POU3F3: variants seen among roughly 807,000 people sequenced by gnomAD.
POU3F3 encodes POU domain, class 3, transcription factor 3.
In POU3F3, 1 loss-of-function variant was observed where a neutral mutation model predicts 8.6. That is an observed-to-expected ratio of 0.12 (90% confidence interval 0.04 to 0.55). The LOEUF is 0.55. POU3F3 is among the 20% of genes least tolerant of loss of function. The pLI, the probability that POU3F3 is intolerant of heterozygous loss-of-function variation, is 0.91. For synonymous variants in POU3F3, 418 were observed against 327.4 expected (o/e 1.28, Z -2.99); for missense variants, 577 against 690.7 (o/e 0.84, Z 1.84).
At position 104,857,090 on chromosome 2, in the gene POU3F3, C is replaced by A; in HGVS notation, c.*77C>A. The A allele has an allele frequency of 2.2e-6, 2 of 895,012 alleles. No homozygotes were observed. Among genetic ancestry groups the A allele is most frequent in the Non-Finnish European group, 2.7e-6 (2 of 750,966 alleles). The allele number at this position is 895,012 out of a possible 1,614,324, so 55.4% of individuals were successfully genotyped here. ...CCGTCAGCACCGCCGCCGCCCCTGCCGCCGCCGCCGCCGCCGCCGCCGCCG... is the reference window on the plus strand; with the variant it reads ...CCGTCAGCACCGCCGCCGCCCCTGCAGCCGCCGCCGCCGCCGCCGCCGCCG... On this transcript the variant is annotated 3_prime_UTR_variant, in exon 1 of 1. Coordinates refer to ENST00000361360, the MANE Select transcript of POU3F3 (RefSeq NM_006236.3).
the POU3F3 span, among the ~76,000 whole-genome samples, chr2:104,891,087 C>A: frequency 6.6e-6 from 1 of 152,080 alleles, no homozygotes; most frequent in Non-Finnish European, 1.5e-5. Flanking sequence ...GGCTCTACCC[C>A]CTGAGTTTCT....
the POU3F3 span, among the ~76,000 whole-genome samples, chr2:104,890,369 CT>C: frequency 6.6e-6 from 1 of 152,158 alleles, no homozygotes; most frequent in African/African-American, 2.4e-5. Flanking sequence ...CGAGCCTGAT[CT>C]TTCTCGGTTG....
chr2:104,897,327 A>G, the POU3F3 span, among the ~76,000 whole-genome samples: 1 of 152,228 alleles, frequency 6.6e-6, no homozygotes, highest in Admixed American at 6.5e-5. Context: ...TCCTCCACCC[A>G]GAACTGGGGA....
At chr2:104,870,446 T>C in the POU3F3 span, among the ~76,000 whole-genome samples, 1 of 152,228 alleles carries the variant, frequency 6.6e-6, no homozygotes, top group Non-Finnish European at 1.5e-5. Context: ...GGCATTTCCA[T>C]ACCAGCCCGG....
chr2:104,890,909 A>G, the POU3F3 span, among the ~76,000 whole-genome samples: 1 of 152,158 alleles, frequency 6.6e-6, no homozygotes, highest in Admixed American at 6.5e-5. Context: ...CGGGAACCCT[A>G]TAAGGGAGCA....
At chr2:104,863,937 T>A in the POU3F3 span, among the ~76,000 whole-genome samples, 3 of 152,140 alleles carry the variant, frequency 2.0e-5, no homozygotes, top group East Asian at 3.9e-4. Flanking sequence ...GCCGGCGGCT[T>A]TGTGGAAGTT....
chr2:104,868,512 C>T, the POU3F3 span: 1 of 374,608 alleles, frequency 2.7e-6, no homozygotes, highest in Non-Finnish European at 5.4e-6. Flanking sequence ...AGACCTCCAA[C>T]TTCCAGCTGT....
the POU3F3 span, among the ~76,000 whole-genome samples, chr2:104,864,542 T>A: frequency 6.6e-6 from 1 of 152,214 alleles, no homozygotes; most frequent in African/African-American, 2.4e-5. Context: ...GAGTTGGTTT[T>A]TTTTCCAGTA....
chr2:104,882,295 G>A, the POU3F3 span, among the ~76,000 whole-genome samples: 2 of 148,162 alleles, frequency 1.3e-5, no homozygotes, highest in Non-Finnish European at 1.5e-5. Context: ...CGCCCAGGCT[G>A]GAGTGCAGTG....
At chr2:104,879,012 A>G in the POU3F3 span, among the ~76,000 whole-genome samples, 1 of 151,708 alleles carries the variant, frequency 6.6e-6, no homozygotes, top group African/African-American at 2.4e-5. Context: ...ACACAACACA[A>G]AACATATACA....
chr2:104,865,287 C>T, the POU3F3 span: 3 of 152,212 alleles, frequency 2.0e-5, no homozygotes, highest in Non-Finnish European at 2.9e-5. Flanking sequence ...AAGTGTGAAT[C>T]ATCTGTGTGA....
At chr2:104,879,782 A>C in the POU3F3 span, among the ~76,000 whole-genome samples, 1 of 152,160 alleles carries the variant, frequency 6.6e-6, no homozygotes, top group African/African-American at 2.4e-5. Flanking sequence ...CAAGAGGTGC[A>C]GGGGGTGTAT....
At chr2:104,902,505 T>C in the POU3F3 span, among the ~76,000 whole-genome samples, 1 of 152,168 alleles carries the variant, frequency 6.6e-6, no homozygotes, top group Admixed American at 6.5e-5. Context: ...ATTATTTTAA[T>C]AGTCTCAAAG....
At chr2:104,892,611 G>A in the POU3F3 span, among the ~76,000 whole-genome samples, 114 of 151,524 alleles carry the variant, frequency 7.5e-4, no homozygotes, top group African/African-American at 2.6e-3. Flanking sequence ...GACTACAAGT[G>A]CATGCAACCA....
At chr2:104,891,799 TC>T in the POU3F3 span, among the ~76,000 whole-genome samples, 2 of 152,172 alleles carry the variant, frequency 1.3e-5, no homozygotes, top group African/African-American at 4.8e-5. Context: ...AGGCGCAGTC[TC>T]CCCGACATCA....
chr2:104,915,733 T>C, the POU3F3 span, among the ~76,000 whole-genome samples: 1 of 151,818 alleles, frequency 6.6e-6, no homozygotes, highest in East Asian at 1.9e-4. Context: ...GAGAGGTTGT[T>C]TCTAACATCT....
At chr2:104,871,601 C>A in the POU3F3 span, among the ~76,000 whole-genome samples, 1 of 152,136 alleles carries the variant, frequency 6.6e-6, no homozygotes, top group Admixed American at 6.5e-5. Flanking sequence ...CATTTGCAGG[C>A]AACTTTTCAA....
chr2:104,918,023 G>A, the POU3F3 span, among the ~76,000 whole-genome samples: 6 of 152,208 alleles, frequency 3.9e-5, no homozygotes, highest in Admixed American at 2.6e-4. Context: ...GGGCATCCAT[G>A]TATCTAGATA....
upstream of POU3F3, chr2:104,853,369 C>G (rs1475720835): frequency 2.0e-4 from 30 of 152,322 alleles, no homozygotes; most frequent in Admixed American, 1.9e-3. Flanking sequence ...TGATGGCATC[C>G]GAGAACTTAA....
Sources: allele counts gnomAD v4.1 joint callset (sites outside exome capture counted in the v4.1 genomes callset), GRCh38; gene constraint gnomAD v4.1.1; transcripts MANE v1.5; gene names NCBI Gene and HGNC (gene_info 2026-07-23, HGNC 2026-07-21).